XKR9: variants seen among roughly 807,000 people sequenced by gnomAD.
XKR9 encodes XK related 9.
Under a neutral mutation model 32.0 loss-of-function variants are expected in XKR9, and 32 were observed. The ratio of observed to expected loss-of-function variants is 1.00; its 90% CI spans 0.76 to 1.34. The LOEUF (loss-of-function observed/expected upper bound fraction) is 1.34. Ranked by LOEUF, XKR9 falls within the 40% of genes most tolerant of loss-of-function variation. The pLI, the probability that XKR9 is intolerant of heterozygous loss-of-function variation, is 0.00. For synonymous variants in XKR9, 168 were observed against 143.4 expected (o/e 1.17, Z -1.22); for missense variants, 546 against 429.7 (o/e 1.27, Z -2.39).
the XKR9 span, among the ~76,000 whole-genome samples, chr8:71,023,834 G>A: frequency 1.3e-5 from 2 of 152,116 alleles, no homozygotes; most frequent in Admixed American, 6.6e-5. Flanking sequence ...AGATTGGATG[G>A]GCCCATCCTC....
At chr8:70,988,051 G>T in the XKR9 span, among the ~76,000 whole-genome samples, 5 of 152,126 alleles carry the variant, frequency 3.3e-5, no homozygotes, top group Admixed American at 2.6e-4. Flanking sequence ...CCTAGGCTGC[G>T]CACAGCTTGA....
the XKR9 span, among the ~76,000 whole-genome samples, chr8:71,049,602 G>A: frequency 6.6e-6 from 1 of 152,186 alleles, no homozygotes; most frequent in Non-Finnish European, 1.5e-5. Context: ...ATACACAGAA[G>A]TCCTGCCTGT....
the XKR9 span, among the ~76,000 whole-genome samples, chr8:70,815,557 ACT>A: frequency 2.7e-5 from 4 of 148,004 alleles, no homozygotes; most frequent in South Asian, 8.5e-4. Flanking sequence ...ATGGAGTCTC[ACT>A]CTGTCACCCA....
the XKR9 span, among the ~76,000 whole-genome samples, chr8:70,871,195 GTATT>G: frequency 6.6e-6 from 1 of 152,082 alleles, no homozygotes; most frequent in Non-Finnish European, 1.5e-5. Flanking sequence ...ATTCATATAT[GTATT>G]CATTCAATCA....
At chr8:70,943,352 C>G in the XKR9 span, among the ~76,000 whole-genome samples, 2 of 151,902 alleles carry the variant, frequency 1.3e-5, no homozygotes, top group African/African-American at 4.8e-5. Flanking sequence ...TTTTTGGCTG[C>G]AAAATGATCT....
At chr8:70,755,510 A>G (rs1168140047) in intron 2 of XKR9, among the ~76,000 whole-genome samples, 1 of 152,198 alleles carries the variant, frequency 6.6e-6, no homozygotes, top group Non-Finnish European at 1.5e-5. Flanking sequence ...GAACCAACCC[A>G]AATGTCCAAC....
chr8:70,767,769 G>A (rs113275410), intron 2 of XKR9, among the ~76,000 whole-genome samples: 36 of 152,086 alleles, frequency 2.4e-4, no homozygotes, highest in African/African-American at 8.4e-4. Flanking sequence ...CCAAAGTGCT[G>A]GGATTACAGG....
chr8:70,709,800 G>T (rs1300615925), intron 4 of XKR9, among the ~76,000 whole-genome samples: 1 of 152,140 alleles, frequency 6.6e-6, no homozygotes, highest in Non-Finnish European at 1.5e-5. Flanking sequence ...GAAATCGGTG[G>T]TGACACAAAC....
At chr8:70,885,660 G>T in the XKR9 span, among the ~76,000 whole-genome samples, 1 of 151,796 alleles carries the variant, frequency 6.6e-6, no homozygotes, top group Non-Finnish European at 1.5e-5. Flanking sequence ...GCAGTGGCGC[G>T]ATCTCAGCTC....
chr8:70,699,217 C>T (rs1586828776), intron 3 of XKR9, among the ~76,000 whole-genome samples: 1 of 152,290 alleles, frequency 6.6e-6, no homozygotes, highest in South Asian at 2.1e-4. Flanking sequence ...GAATTTGATC[C>T]TGTCATTATG....
At chr8:70,939,285 T>G in the XKR9 span, among the ~76,000 whole-genome samples, 1 of 152,110 alleles carries the variant, frequency 6.6e-6, no homozygotes, top group South Asian at 2.1e-4. Context: ...TTTTCGGCAG[T>G]GTGACTACAA....
the XKR9 span, among the ~76,000 whole-genome samples, chr8:70,893,217 A>C: frequency 1.3e-5 from 2 of 152,028 alleles, no homozygotes; most frequent in African/African-American, 4.8e-5. Flanking sequence ...CTATCTGTTG[A>C]ATTTTCATTC....
At chr8:70,790,581 A>G (rs1041995956), downstream of XKR9, among the ~76,000 whole-genome samples, 15 of 152,054 alleles carry the variant, frequency 9.9e-5, no homozygotes, top group Admixed American at 7.2e-4. Context: ...TCCAATGTCC[A>G]GCACCTTGCA....
chr8:70,738,457 G>T (rs530851372), downstream of XKR9, among the ~76,000 whole-genome samples: 1 of 149,002 alleles, frequency 6.7e-6, no homozygotes, highest in Admixed American at 6.7e-5. Context: ...GGTTTTTTGT[G>T]TCTCTATTTC....
the XKR9 span, among the ~76,000 whole-genome samples, chr8:70,987,051 T>C: frequency 6.6e-6 from 1 of 152,148 alleles, no homozygotes. Flanking sequence ...GAGAACAGTA[T>C]GGGGGAAACC....
the XKR9 span, among the ~76,000 whole-genome samples, chr8:70,813,609 A>G: frequency 2.0e-5 from 3 of 152,070 alleles, no homozygotes; most frequent in East Asian, 3.8e-4. Flanking sequence ...AAAACAAACA[A>G]CCCCATCAAC....
At chr8:70,806,867 C>T in the XKR9 span, among the ~76,000 whole-genome samples, 2 of 152,098 alleles carry the variant, frequency 1.3e-5, no homozygotes, top group African/African-American at 2.4e-5. Context: ...AGGAGAATTT[C>T]CCCAACCTAG....
intron 2 of XKR9, among the ~76,000 whole-genome samples, chr8:70,757,727 TAGGCACATGCCACC>T (rs2130199313): frequency 6.6e-6 from 1 of 152,170 alleles, no homozygotes; most frequent in South Asian, 2.1e-4. Context: ...GCTGGGACTA[TAGGCACATGCCACC>T]ATGCCTGGCT....
chr8:70,846,922 C>CAAAA, the XKR9 span, among the ~76,000 whole-genome samples: 1 of 152,072 alleles, frequency 6.6e-6, no homozygotes, highest in East Asian at 1.9e-4. Context: ...CAGCTTTAGA[C>CAAAA]AAATCATCTA....
Sources: gnomAD v4.1 joint callset for allele counts (sites outside exome capture counted in the v4.1 genomes callset) on GRCh38, gnomAD v4.1.1 for gene constraint, MANE v1.5 for transcripts, NCBI Gene and HGNC (gene_info 2026-07-23, HGNC 2026-07-21) for gene names.